The following COL11A2 variants were observed in gnomAD, a reference collection of about 807,000 sequenced individuals.
The protein encoded by COL11A2 is collagen type XI alpha 2 chain.
Under a neutral mutation model 273.4 loss-of-function variants are expected in COL11A2, and 116 were observed. That is an observed-to-expected ratio of 0.42 (90% CI 0.36 to 0.49). The LOEUF (loss-of-function observed/expected upper bound fraction) is 0.49. COL11A2 is among the 20% of genes least tolerant of loss of function. The pLI is 0.00. For missense variants in COL11A2, 1,866 were observed against 2,309.0 expected (o/e 0.81, Z 3.93); for synonymous variants, 782 against 864.2 (o/e 0.90, Z 1.67).
In COL11A2 at chr6:33,164,564, AC is replaced by A; in HGVS notation, c.4864-92del. 1.9e-6 allele frequency: 2 copies of A among 1,069,804 alleles called. No individual in the cohort carries two copies. Among genetic ancestry groups the A allele is most frequent in the Non-Finnish European group, 2.7e-6 (2 of 752,640 alleles). 66.3% of individuals were successfully genotyped at this position (1,069,804 alleles called of 1,614,324 possible). A position where few individuals can be genotyped will look rare whatever the true frequency, so the allele number is the denominator to read the frequency against. On this transcript the variant is annotated intron_variant, in intron 64 of 65. Transcript: ENST00000341947. The surrounding 1 kb of genome is among the most constrained non-coding windows in gnomAD (Gnocchi z 4.7). ...GACGGGCCTCAGGAGCATCTACGGC[AC>A]CAGGACAGCTGAGCCAGAGTCATGA...
chr6:33,173,260 G>A lies in COL11A2; in HGVS notation c.2736+88C>T, dbSNP rs1335137704. On this transcript the variant is annotated intron_variant, in intron 37 of 65. Transcript: ENST00000341947. The surrounding 1 kb of genome is among the most constrained non-coding windows in gnomAD (Gnocchi z 6.3). Reference sequence around the variant, plus strand: ...CAGGGCAGGCTCCACTCTGCCAGGAGAACGTCCCTGTGGGCTTTCCAGACA... The same window carrying A: ...CAGGGCAGGCTCCACTCTGCCAGGAAAACGTCCCTGTGGGCTTTCCAGACA... 148 of 1,568,540 alleles carry A rather than the reference G, an allele frequency of 9.4e-5. No individual in the cohort carries two copies. The highest frequency in any genetic ancestry group is 2.4e-5 in the Non-Finnish European group (27 of 1,148,186).
chr6:33,190,777 C>G lies in COL11A2; in HGVS notation c.83-1308G>C, dbSNP rs535280934. 4.6e-3 allele frequency among the ~76,000 whole-genome samples: 693 copies of G among 152,226 alleles called. 2 individuals carry two copies. The highest frequency in any genetic ancestry group is 0.016 in the African/African-American group (658 of 41,518). On this transcript the variant is annotated intron_variant, in intron 1 of 65. Transcript: ENST00000341947. The surrounding 1 kb of genome is among the most constrained non-coding windows in gnomAD (Gnocchi z 4.5). ...TTTGAGAGACGAAGGGTGAGTGAGACAGAGACACAGAGACTCACAGAGACC... is the reference window on the plus strand; with the variant it reads ...TTTGAGAGACGAAGGGTGAGTGAGAGAGAGACACAGAGACTCACAGAGACC...
chr6:33,171,662 T>G (rs1201787280), intron 42 of COL11A2, 51 bp downstream of exon 42: 1 of 1,600,226 alleles, frequency 6.2e-7, no homozygotes, highest in Non-Finnish European at 8.5e-7. Flanking sequence ...CCATCAACCC[T>G]AGGCTCACAG....
rs1769680400 is a variant in COL11A2 at position 33,169,253 on chromosome 6, C to T, written c.3798+130G>A. 1.1e-6 allele frequency: 1 copy of T among 872,820 alleles called. No homozygotes were observed. The highest frequency in any genetic ancestry group is 1.5e-5 in the South Asian group (1 of 65,984). 54.1% of individuals were successfully genotyped at this position (872,820 alleles called of 1,614,324 possible). On this transcript the variant is annotated intron_variant, in intron 51 of 65. Transcript: ENST00000341947. The surrounding 1 kb of genome is among the most constrained non-coding windows in gnomAD (Gnocchi z 5.5). ...GACCCCAGGCATCCCTCTGGATGCC[C>T]CATTCCCAGAGCATCCCCCAAACTC...
Position 33,172,518 on chromosome 6 carries a change from C to T in COL11A2, c.2898+12G>A. 1 of 1,610,982 alleles carries T rather than the reference C, an allele frequency of 6.2e-7. No homozygotes were observed. Among genetic ancestry groups the T allele is most frequent in the Middle Eastern group, 1.7e-4 (1 of 6,052 alleles). ...GCTCCCCCACTTCCCCTCTGCCTGG[C>T]CCCTCACTGACCTTTGTTCCTTCTT... On this transcript the variant is annotated intron_variant, in intron 39 of 65. Coordinates refer to ENST00000341947, the MANE Select transcript of COL11A2 (RefSeq NM_080680.3).
chr6:33,175,800 G>T lies in COL11A2; in HGVS notation c.2269-119C>A, dbSNP rs1228416459. ...AGAGGGGTCCCAGGAGCCACTGCAG[G>T]ACAGGAAGCCCACAGGGTAGGGATA... On this transcript the variant is annotated intron_variant, in intron 29 of 65. Transcript: ENST00000341947. The T allele has an allele frequency of 7.1e-6, 8 of 1,120,068 alleles. No individual in the cohort carries two copies. The East Asian group carries it at 1.9e-4, about 27-fold the overall frequency. The allele number at this position is 1,120,068 out of a possible 1,614,324, so 69.4% of individuals were successfully genotyped here.
intron 8 of COL11A2, among the ~76,000 whole-genome samples, chr6:33,181,412 C>T (rs2150590005): frequency 6.6e-6 from 1 of 152,300 alleles, no homozygotes; most frequent in African/African-American, 2.4e-5. Context: ...ACAACCTCTC[C>T]ATCTCCCTGA....
At chr6:33,172,227 C>CG (rs532912838) in intron 40 of COL11A2, 62 bp downstream of exon 40, 1,493 of 1,312,576 alleles carry the variant, frequency 1.1e-3, no homozygotes, top group Middle Eastern at 5.0e-3. Flanking sequence ...GGGACAGGGT[C>CG]GGGGTGGGGA....
chr6:33,185,534 C>T (rs1023121729), intron 6 of COL11A2, among the ~76,000 whole-genome samples, 167 bp downstream of exon 6: 4 of 151,846 alleles, frequency 2.6e-5, no homozygotes, highest in Non-Finnish European at 5.9e-5. Context: ...GCTCCCAGGG[C>T]GCTGCAGCAG....
In COL11A2 at chr6:33,173,533, G is replaced by A. The variant is rs750723746; in HGVS notation, c.2651C>T (p.Pro884Leu). The A allele has an allele frequency of 4.0e-5, 65 of 1,609,400 alleles. No individual in the cohort carries two copies. The highest frequency in any genetic ancestry group is 5.4e-5 in the Non-Finnish European group (64 of 1,178,522). Residue 884 changes from proline (P) to leucine (L), a missense_variant, in exon 36 of 66, where the codon CCC (proline) becomes CTC (leucine). Physicochemically the swap from Pro to Leu is moderately conservative, Grantham distance 98. Transcript: ENST00000341947. This position sits in a 1 kb window ranked among gnomAD's most constrained non-coding sequence, Gnocchi z 6.3. ...GERGLPGPQG[P>L]NGFPGPKGPP... ...TCCTTTCGGTCCAGGAAACCCGTTGGGACCCTGAGGTCCAGGGAGGCCCTA... is the reference window on the plus strand; with the variant it reads ...TCCTTTCGGTCCAGGAAACCCGTTGAGACCCTGAGGTCCAGGGAGGCCCTA...
chr6:33,171,460 C>T lies in COL11A2; in HGVS notation c.3258+7G>A. 6.2e-7 allele frequency: 1 copy of T among 1,613,588 alleles called. No individual in the cohort carries two copies. The highest frequency in any genetic ancestry group is 1.7e-5 in the Admixed American group (1 of 59,986). ...AAGATTGGTCGGGGTCTGTGGGGTC[C>T]CCTCACCTTGTCTCCATCCTCTCCA... On this transcript the variant is annotated splice_region_variant and intron_variant, in intron 43 of 65. Coordinates refer to ENST00000341947, the MANE Select transcript of COL11A2 (RefSeq NM_080680.3).
chr6:33,189,069 G>A lies in COL11A2; in HGVS notation c.352C>T (p.Arg118Ter), dbSNP rs1433241638. 3.1e-6 allele frequency: 5 copies of A among 1,614,190 alleles called. No homozygotes were observed. The highest frequency in any genetic ancestry group is 2.2e-5 in the East Asian group (1 of 44,884). Reference protein sequence around the residue: ...GVRQLGLELGRPVRFLYEDQT... With the variant: ...GVRQLGLELG Reference sequence around the variant, plus strand: ...TCTTCATACAGGAAGCGGACAGGTCGGCCCAGCTCCAGGCCCAGCTGTCGG... The same window carrying A: ...TCTTCATACAGGAAGCGGACAGGTCAGCCCAGCTCCAGGCCCAGCTGTCGG... Residue 118 changes from arginine to a stop codon, truncating the protein, a stop_gained, in exon 3 of 66, where the codon CGA becomes TGA. Coordinates refer to ENST00000341947, the MANE Select transcript of COL11A2 (RefSeq NM_080680.3). LOFTEE classifies it high-confidence loss of function. The surrounding 1 kb of genome is among the most constrained non-coding windows in gnomAD (Gnocchi z 5.6).
rs749966863 is a variant in COL11A2 at position 33,189,483 on chromosome 6, TG to T, written c.83-15del. ...CAGGGGGTGCACCTGGGAGAGTCCA[TG>T]ATTATCAGGAGAAGGGACATGCCCT... On this transcript the variant is annotated splice_polypyrimidine_tract_variant and intron_variant, in intron 1 of 65. Coordinates refer to ENST00000341947, the MANE Select transcript of COL11A2 (RefSeq NM_080680.3). The surrounding 1 kb of genome is among the most constrained non-coding windows in gnomAD (Gnocchi z 5.6). 6.2e-7 allele frequency: 1 copy of T among 1,612,860 alleles called. No homozygotes were observed. Among genetic ancestry groups the T allele is most frequent in the Non-Finnish European group, 8.5e-7 (1 of 1,179,906 alleles).
chr6:33,168,688 G>A lies in COL11A2; in HGVS notation c.3906+18C>T, dbSNP rs1423635608. On this transcript the variant is annotated intron_variant, in intron 53 of 65. Coordinates refer to ENST00000341947, the MANE Select transcript of COL11A2 (RefSeq NM_080680.3). Reference sequence around the variant, plus strand: ...GAGGCTTGGGCTCAGGGGGGTGGTGGGGTCACCAGGCACTCACAGGCTGTC... The same window carrying A: ...GAGGCTTGGGCTCAGGGGGGTGGTGAGGTCACCAGGCACTCACAGGCTGTC... 2 of 1,589,490 alleles carry A rather than the reference G, an allele frequency of 1.3e-6. No homozygotes were observed. Among genetic ancestry groups the A allele is most frequent in the Non-Finnish European group, 8.6e-7 (1 of 1,167,668 alleles).
chr6:33,166,908 G>A lies in COL11A2; in HGVS notation c.4231-81C>T. 2 of 1,537,456 alleles carry A rather than the reference G, an allele frequency of 1.3e-6. No individual in the cohort carries two copies. The highest frequency in any genetic ancestry group is 1.8e-6 in the Non-Finnish European group (2 of 1,124,904). Reference sequence around the variant, plus strand: ...GAGAAGGGCCAAGAGGACATGGAGAGGGAGCCGGGCACAGGGTCCGTGAGT... The same window carrying A: ...GAGAAGGGCCAAGAGGACATGGAGAAGGAGCCGGGCACAGGGTCCGTGAGT... On this transcript the variant is annotated intron_variant, in intron 58 of 65. Transcript: ENST00000341947. This position sits in a 1 kb window ranked among gnomAD's most constrained non-coding sequence, Gnocchi z 4.8.
In COL11A2 at chr6:33,169,474, C is replaced by T. The variant is rs777669099; in HGVS notation, c.3707G>A (p.Arg1236His). The stretch of plus-strand genomic sequence containing the variant: ...CTGCCCCGACTCTCCTTTCTCTCCA[C>T]GTTCCCCGCGTGGACCCTGCAGAAC... ...EPGVKGPRGE[R>H]GEKGESGQPG... The change falls in exon 51 of 66, where the codon CGT becomes CAT. Residue 1236 changes from arginine (R) to histidine (H), a missense_variant. Arg to His is a conservative substitution (Grantham distance 29). Coordinates refer to ENST00000341947, the MANE Select transcript of COL11A2 (RefSeq NM_080680.3). This position sits in a 1 kb window ranked among gnomAD's most constrained non-coding sequence, Gnocchi z 5.5. 3.1e-6 allele frequency: 5 copies of T among 1,612,950 alleles called. No homozygotes were observed. Among genetic ancestry groups the T allele is most frequent in the African/African-American group, 1.3e-5 (1 of 75,052 alleles).
At position 33,189,725 on chromosome 6, in the gene COL11A2, G is replaced by T. The variant is rs369604977; in HGVS notation, c.83-256C>A. On this transcript the variant is annotated intron_variant, in intron 1 of 65. Coordinates refer to ENST00000341947, the MANE Select transcript of COL11A2 (RefSeq NM_080680.3). This position sits in a 1 kb window ranked among gnomAD's most constrained non-coding sequence, Gnocchi z 5.6. ...CTCTCCTAGCATCTGCCTCTCTTACGCTCTCTCTTTGTCTTTTAGCTTATG... is the reference window on the plus strand; with the variant it reads ...CTCTCCTAGCATCTGCCTCTCTTACTCTCTCTCTTTGTCTTTTAGCTTATG... 6.6e-6 allele frequency among the ~76,000 whole-genome samples: 1 copy of T among 152,142 alleles called. No individual in the cohort carries two copies. The highest frequency in any genetic ancestry group is 1.5e-5 in the Non-Finnish European group (1 of 67,980).
chr6:33,178,987 G>C lies in COL11A2; in HGVS notation c.1612-14C>G. 1 of 1,614,122 alleles carries C rather than the reference G, an allele frequency of 6.2e-7. No homozygotes were observed. Among genetic ancestry groups the C allele is most frequent in the Non-Finnish European group, 8.5e-7 (1 of 1,180,000 alleles). On this transcript the variant is annotated splice_polypyrimidine_tract_variant and intron_variant, in intron 16 of 65. Coordinates refer to ENST00000341947, the MANE Select transcript of COL11A2 (RefSeq NM_080680.3). The surrounding 1 kb of genome is among the most constrained non-coding windows in gnomAD (Gnocchi z 4.6). ...ACCTGCCCGGCCCTGGGAGAACAAG[G>C]GAAGTGTCAGAACAAGCAGGGCCGC...
At chr6:33,191,469 T>C (rs1049822087) in intron 1 of COL11A2, among the ~76,000 whole-genome samples, 1 of 152,106 alleles carries the variant, frequency 6.6e-6, no homozygotes, top group Non-Finnish European at 1.5e-5. Flanking sequence ...AAGATCAGGG[T>C]TGTGGGCACC....
Sources: allele counts gnomAD v4.1 joint callset (sites outside exome capture counted in the v4.1 genomes callset), GRCh38; gene constraint gnomAD v4.1.1; non-coding constraint Gnocchi (gnomAD v3.1); transcripts MANE v1.5; gene names NCBI Gene and HGNC (gene_info 2026-07-23, HGNC 2026-07-21).